PLCH1: variants seen among roughly 807,000 people sequenced by gnomAD.
PLCH1 encodes the protein phospholipase C eta 1, also known as 1-phosphatidylinositol 4,5-bisphosphate phosphodiesterase eta-1.
In PLCH1, 60 loss-of-function variants were observed where a neutral mutation model predicts 126.7. That is an observed-to-expected ratio of 0.47 (90% CI 0.38 to 0.59). The LOEUF (loss-of-function observed/expected upper bound fraction) is 0.59. Ranked by LOEUF, PLCH1 falls within the 20% of genes least tolerant of loss-of-function variation. The pLI is 0.00. For synonymous variants in PLCH1, 719 were observed against 734.9 expected (o/e 0.98, Z 0.35); for missense variants, 1,723 against 2,040.0 (o/e 0.84, Z 2.99).
At position 155,482,719 on chromosome 3, in the gene PLCH1, C is replaced by T. The variant is rs762304657; in HGVS notation, c.3307G>A (p.Gly1103Ser). 1 of 1,614,154 alleles carries T rather than the reference C, an allele frequency of 6.2e-7. No individual in the cohort carries two copies. Among genetic ancestry groups the T allele is most frequent in the Non-Finnish European group, 8.5e-7 (1 of 1,180,040 alleles). The change falls in exon 23 of 23, where the codon GGT becomes AGT. Residue 1103 changes from glycine (G) to serine (S), a missense_variant. Around this residue, in one of 2 missense-constraint regions of PLCH1, gnomAD observed 947 missense variants for 977.1 expected, o/e 0.97. Transcript: ENST00000460012. ...DLHGVKIKEKGNPEDFVEGKS... is the reference protein window; with the variant it reads ...DLHGVKIKEKSNPEDFVEGKS... Reference sequence around the variant, plus strand: ...CCTTCCACAAAGTCCTCAGGATTACCCTTTTCCTTGATTTTCACACCATGC... The same window carrying T: ...CCTTCCACAAAGTCCTCAGGATTACTCTTTTCCTTGATTTTCACACCATGC...
chr3:155,464,737 T>G (rs1010920688), intron 21 of PLCH1, among the ~76,000 whole-genome samples: 2 of 152,180 alleles, frequency 1.3e-5, no homozygotes, highest in Non-Finnish European at 2.9e-5. Context: ...TGCCTCTTCC[T>G]TATTAGGCAA....
At chr3:155,698,577 G>C (rs1746004980) in intron 2 of PLCH1, among the ~76,000 whole-genome samples, 1 of 152,170 alleles carries the variant, frequency 6.6e-6, no homozygotes, top group African/African-American at 2.4e-5. Flanking sequence ...GGTGAGTAGG[G>C]GAGGTAGACA....
chr3:155,604,847 G>A (rs536592026), intron 2 of PLCH1, among the ~76,000 whole-genome samples: 1 of 152,324 alleles, frequency 6.6e-6, no homozygotes, highest in African/African-American at 2.4e-5. Context: ...AACTGGTTAA[G>A]AGAATGATAA....
chr3:155,663,806 G>A (rs1742440409), intron 2 of PLCH1, among the ~76,000 whole-genome samples: 1 of 152,086 alleles, frequency 6.6e-6, no homozygotes, highest in African/African-American at 2.4e-5. Flanking sequence ...GTACTGATTG[G>A]CTGATATAAA....
intron 2 of PLCH1, among the ~76,000 whole-genome samples, chr3:155,666,546 G>C (rs62287318): frequency 2.0e-5 from 3 of 152,168 alleles, no homozygotes; most frequent in African/African-American, 4.8e-5. Context: ...GAAAGACTTA[G>C]TGTGAAAGAA....
chr3:155,486,751 C>T (rs111804203), intron 21 of PLCH1, among the ~76,000 whole-genome samples: 2,052 of 152,024 alleles, frequency 0.013, 42 homozygotes, highest in African/African-American at 0.047. Context: ...GTCTCGATCT[C>T]CTGACCTCAT....
Position 155,470,394 on chromosome 3 carries a change from C to T in PLCH1, c.2938+14962G>A, listed in dbSNP as rs188286381. 8.9e-3 allele frequency among the ~76,000 whole-genome samples: 1,358 copies of T among 152,106 alleles called. 14 individuals are homozygous for T. Among genetic ancestry groups the T allele is most frequent in the South Asian group, 0.053 (256 of 4,810 alleles). On this transcript the variant is annotated intron_variant, in intron 21 of 21. Coordinates refer to the PLCH1 transcript ENST00000494598. ...TTAGAGAAAAAAGAATAAAAAGAAA[C>T]GAGTAAAGCCTCCAAGAAATATGGG...
intron 1 of PLCH1, among the ~76,000 whole-genome samples, chr3:155,732,067 GA>G (rs1275682783): frequency 7.3e-6 from 1 of 137,188 alleles, no homozygotes; most frequent in Non-Finnish European, 1.6e-5. Flanking sequence ...CAACTCTAAA[GA>G]AAAAAAAGAT....
chr3:155,691,516 A>G (rs949425703), intron 2 of PLCH1, among the ~76,000 whole-genome samples: 3 of 152,362 alleles, frequency 2.0e-5, no homozygotes, highest in Admixed American at 6.5e-5. Context: ...TGAGACTTCT[A>G]GGAATAACAC....
At chr3:155,465,174 C>T (rs1056970711) in intron 21 of PLCH1, among the ~76,000 whole-genome samples, 1 of 151,298 alleles carries the variant, frequency 6.6e-6, no homozygotes, top group South Asian at 2.1e-4. Context: ...TGATAAACCA[C>T]CACTTTGTCC....
chr3:155,525,150 T>C (rs766773217), intron 10 of PLCH1, among the ~76,000 whole-genome samples: 1 of 152,146 alleles, frequency 6.6e-6, no homozygotes, highest in Non-Finnish European at 1.5e-5. Flanking sequence ...TAAGACCCCA[T>C]TTCTATTTTT....
chr3:155,702,458 T>C (rs1746348825), intron 2 of PLCH1, among the ~76,000 whole-genome samples: 1 of 152,168 alleles, frequency 6.6e-6, no homozygotes, highest in African/African-American at 2.4e-5. Context: ...CAAGCTTTAG[T>C]TACCCCATTC....
At chr3:155,581,930 G>T (rs572818133) in intron 6 of PLCH1, among the ~76,000 whole-genome samples, 5 of 151,328 alleles carry the variant, frequency 3.3e-5, no homozygotes, top group Admixed American at 6.6e-5. Flanking sequence ...TGTATTTTTA[G>T]TAGAGACCGG....
intron 1 of PLCH1, among the ~76,000 whole-genome samples, chr3:155,741,312 G>A (rs1364367869): frequency 6.6e-6 from 1 of 152,190 alleles, no homozygotes; most frequent in Non-Finnish European, 1.5e-5. Flanking sequence ...AGGCCGAGGA[G>A]GCATTGTTCA....
At chr3:155,463,762 T>C (rs895921271) in intron 21 of PLCH1, among the ~76,000 whole-genome samples, 1 of 152,126 alleles carries the variant, frequency 6.6e-6, no homozygotes, top group Non-Finnish European at 1.5e-5. Context: ...ATGGACTGGA[T>C]GGAAACCGAG....
intron 18 of PLCH1, among the ~76,000 whole-genome samples, chr3:155,492,007 C>G (rs559820054): frequency 5.3e-5 from 8 of 152,278 alleles, no homozygotes; most frequent in African/African-American, 1.9e-4. Context: ...CTAAGAAAGT[C>G]TAAAGCAGAG....
chr3:155,633,393 C>T (rs1417932173), intron 2 of PLCH1, among the ~76,000 whole-genome samples: 2 of 146,564 alleles, frequency 1.4e-5, no homozygotes, highest in East Asian at 2.1e-4. Flanking sequence ...CTGTTTCTTT[C>T]AGCACTTATT....
At chr3:155,635,377 TA>T (rs1315077409) in intron 2 of PLCH1, among the ~76,000 whole-genome samples, 2 of 152,146 alleles carry the variant, frequency 1.3e-5, no homozygotes, top group African/African-American at 4.8e-5. Flanking sequence ...ACTGAGGAAT[TA>T]AAAAAGACTG....
At chr3:155,514,226 G>A (rs1719997973) in intron 12 of PLCH1, among the ~76,000 whole-genome samples, 1 of 152,208 alleles carries the variant, frequency 6.6e-6, no homozygotes, top group African/African-American at 2.4e-5. Context: ...TGGGCCTGAG[G>A]AACAGCCTGG....
Sources: allele counts gnomAD v4.1 joint callset (sites outside exome capture counted in the v4.1 genomes callset), GRCh38; gene constraint gnomAD v4.1.1; regional missense constraint gnomAD v4.1.1; transcripts MANE v1.5; gene names NCBI Gene and HGNC (gene_info 2026-07-23, HGNC 2026-07-21).